MYT1L: variants seen among roughly 807,000 people sequenced by gnomAD.
MYT1L encodes myelin transcription factor 1-like protein.
A neutral mutation model predicts 126.7 loss-of-function variants in MYT1L; 12 were observed. The ratio of observed to expected loss-of-function variants is 0.09; its 90% CI spans 0.06 to 0.15. MYT1L has a LOEUF of 0.15. Ranked by LOEUF, MYT1L falls within the 10% of genes least tolerant of loss-of-function variation. The pLI is 1.00. For synonymous variants in MYT1L, 541 were observed against 604.2 expected (o/e 0.90, Z 1.53); for missense variants, 979 against 1,585.2 (o/e 0.62, Z 6.49).
intron 1 of MYT1L, among the ~76,000 whole-genome samples, chr2:2,322,283 A>G (rs542099158): frequency 6.6e-6 from 1 of 151,984 alleles, no homozygotes; most frequent in Non-Finnish European, 1.5e-5. Context: ...TTGCCTACAC[A>G]GGGTACTTAA....
At chr2:1,957,459 T>C (rs2058588483) in intron 8 of MYT1L, among the ~76,000 whole-genome samples, 2 of 151,618 alleles carry the variant, frequency 1.3e-5, no homozygotes, top group African/African-American at 2.4e-5. Flanking sequence ...CCAAAGCTCA[T>C]TAGATTGTTC....
At chr2:2,149,311 G>A (rs1559149995) in intron 3 of MYT1L, among the ~76,000 whole-genome samples, 1 of 152,194 alleles carries the variant, frequency 6.6e-6, no homozygotes, top group Non-Finnish European at 1.5e-5. Context: ...AACTAGTGCT[G>A]CATATATAAA....
intron 3 of MYT1L, among the ~76,000 whole-genome samples, chr2:2,058,805 C>A (rs2069968485): frequency 6.6e-6 from 1 of 152,174 alleles, no homozygotes; most frequent in Non-Finnish European, 1.5e-5. Flanking sequence ...AGGTATGATT[C>A]TCTTACTTCA....
At chr2:2,140,719 C>T (rs1477243576) in intron 3 of MYT1L, among the ~76,000 whole-genome samples, 2 of 152,090 alleles carry the variant, frequency 1.3e-5, no homozygotes, top group African/African-American at 4.8e-5. Context: ...AGGCGTGAGA[C>T]ACCACGCCCG....
intron 2 of MYT1L, among the ~76,000 whole-genome samples, chr2:2,233,820 C>T (rs545787212): frequency 6.6e-5 from 10 of 152,316 alleles, no homozygotes; most frequent in African/African-American, 2.2e-4. Context: ...CCTGTACTGG[C>T]CTGCCAAGCT....
chr2:2,233,489 G>C (rs755623174), intron 2 of MYT1L, among the ~76,000 whole-genome samples: 1 of 152,164 alleles, frequency 6.6e-6, no homozygotes, highest in Non-Finnish European at 1.5e-5. Context: ...GCTCCTGAGG[G>C]GTCTACACAT....
intron 18 of MYT1L, among the ~76,000 whole-genome samples, chr2:1,875,084 A>T (rs1392789474): frequency 1.3e-5 from 2 of 151,482 alleles, no homozygotes; most frequent in African/African-American, 4.8e-5. Flanking sequence ...ACAATGGGCA[A>T]CATGTGCTGA....
intron 18 of MYT1L, among the ~76,000 whole-genome samples, chr2:1,862,226 A>G (rs946667795): frequency 6.6e-6 from 1 of 152,022 alleles, no homozygotes; most frequent in African/African-American, 2.4e-5. Context: ...CATTTGTCAA[A>G]TTTACAAATT....
intron 3 of MYT1L, among the ~76,000 whole-genome samples, chr2:2,150,555 A>G (rs1255045345): frequency 2.0e-5 from 3 of 152,188 alleles, no homozygotes; most frequent in African/African-American, 4.8e-5. Context: ...ACTAAGACCA[A>G]TTGCTACCAG....
chr2:2,317,512 G>T (rs780518286), intron 1 of MYT1L, among the ~76,000 whole-genome samples: 2 of 151,986 alleles, frequency 1.3e-5, no homozygotes, highest in Admixed American at 6.6e-5. Context: ...TAGGAGGAAG[G>T]TCTTCTCAAT....
intron 4 of MYT1L, among the ~76,000 whole-genome samples, chr2:2,045,956 G>A (rs548472138): frequency 6.6e-6 from 1 of 152,242 alleles, no homozygotes; most frequent in Non-Finnish European, 1.5e-5. Context: ...GGGGTCCTTA[G>A]CTCCTCCAGG....
chr2:1,960,704 T>C (rs529952325), intron 8 of MYT1L, among the ~76,000 whole-genome samples: 24 of 151,786 alleles, frequency 1.6e-4, no homozygotes, highest in Admixed American at 7.2e-4. Context: ...ATGCATCACC[T>C]CCCTGGACCC....
chr2:1,940,183 A>C (rs1160034005), intron 9 of MYT1L, among the ~76,000 whole-genome samples: 1 of 151,824 alleles, frequency 6.6e-6, no homozygotes, highest in African/African-American at 2.4e-5. Context: ...CAGGTAGGTT[A>C]TCTCTCAACA....
intron 4 of MYT1L, among the ~76,000 whole-genome samples, chr2:2,032,117 C>G (rs1186219221): frequency 7.6e-6 from 1 of 131,848 alleles, no homozygotes; most frequent in Admixed American, 7.4e-5. Flanking sequence ...TGCCTCTCAT[C>G]CTGTGGCCCA....
chr2:2,296,771 C>A (rs745400037), intron 1 of MYT1L, among the ~76,000 whole-genome samples: 2 of 152,082 alleles, frequency 1.3e-5, no homozygotes, highest in African/African-American at 4.8e-5. Context: ...TGGATGGTCT[C>A]GGCCTGGAGA....
Position 1,792,484 on chromosome 2 carries a change from G to A in MYT1L, c.3277-20C>T, listed in dbSNP as rs752503638. ...GGTAATCTGAAACGCACAAGTGTGC[G>A]TGACATGTAACACCAGGAGGACCTA... On this transcript the variant is annotated intron_variant, in intron 23 of 24. Coordinates refer to ENST00000647738, the MANE Select transcript of MYT1L (RefSeq NM_001303052.2). 6.7e-5 allele frequency: 107 copies of A among 1,607,834 alleles called. No homozygotes were observed. Among genetic ancestry groups the A allele is most frequent in the East Asian group, 5.4e-4 (24 of 44,682 alleles).
intron 3 of MYT1L, among the ~76,000 whole-genome samples, chr2:2,132,884 A>C (rs892318863): frequency 6.6e-5 from 10 of 152,134 alleles, no homozygotes; most frequent in African/African-American, 2.2e-4. Flanking sequence ...GCCTGTTGGA[A>C]ATTTATTGGG....
chr2:1,888,873 A>T (rs961742821), intron 16 of MYT1L, among the ~76,000 whole-genome samples: 1 of 152,252 alleles, frequency 6.6e-6, no homozygotes, highest in South Asian at 2.1e-4. Flanking sequence ...CCATTTAACT[A>T]TCTAAGACTC....
At chr2:1,802,686 C>A (rs1302468682) in intron 22 of MYT1L, among the ~76,000 whole-genome samples, 2 of 152,198 alleles carry the variant, frequency 1.3e-5, no homozygotes, top group African/African-American at 4.8e-5. Context: ...TGGACACTTG[C>A]TTCCCTGGCC....
Sources: allele counts gnomAD v4.1 joint callset (sites outside exome capture counted in the v4.1 genomes callset), GRCh38; gene constraint gnomAD v4.1.1; transcripts MANE v1.5; gene names NCBI Gene and HGNC (gene_info 2026-07-23, HGNC 2026-07-21).